The following EPC2 variants were observed in gnomAD, a reference collection of about 807,000 sequenced individuals.
EPC2 encodes the protein enhancer of polycomb 2, also known as enhancer of polycomb homolog 2.
In EPC2, 14 loss-of-function variants were observed where a neutral mutation model predicts 92.1. The ratio of observed to expected loss-of-function variants is 0.15; its 90% CI spans 0.10 to 0.24. EPC2 has a LOEUF of 0.24. EPC2 is among the 10% of genes least tolerant of loss of function. EPC2 has a pLI of 1.00. For synonymous variants in EPC2, 340 were observed against 334.7 expected, an observed-to-expected ratio of 1.02 and a Z score of -0.17; for missense variants, 755 against 971.5, an observed-to-expected ratio of 0.78 and a Z score of 2.96.
At chr2:148,785,537 G>A (rs1361588336) in intron 13 of EPC2, among the ~76,000 whole-genome samples, 2 of 151,960 alleles carry the variant, frequency 1.3e-5, no homozygotes, top group East Asian at 1.9e-4. Context: ...CATGTTGGCC[G>A]GGATAGTCTC....
intron 2 of EPC2, among the ~76,000 whole-genome samples, chr2:148,742,916 T>C (rs1682906021): frequency 1.3e-5 from 2 of 152,178 alleles, no homozygotes; most frequent in African/African-American, 4.8e-5. Context: ...AATCAGCCTT[T>C]TATTTATATA....
intron 1 of EPC2, among the ~76,000 whole-genome samples, chr2:148,658,607 G>GTGTATATATATATATA (rs1168257662): frequency 5.0e-5 from 7 of 141,262 alleles, no homozygotes; most frequent in East Asian, 2.2e-4. Flanking sequence ...GTGTGTGTGT[G>GTGTATATATATATATA]TATATATATA....
chr2:148,786,035 A>C (rs1167869458), intron 13 of EPC2, among the ~76,000 whole-genome samples: 1 of 152,160 alleles, frequency 6.6e-6, no homozygotes, highest in African/African-American at 2.4e-5. Context: ...TTTCATAAGT[A>C]ATTTCTCATT....
chr2:148,654,844 A>G (rs1252827044), intron 1 of EPC2, among the ~76,000 whole-genome samples: 2 of 152,212 alleles, frequency 1.3e-5, no homozygotes, highest in African/African-American at 2.4e-5. Context: ...TAGAGTAATA[A>G]TTGGGCCCTG....
intron 1 of EPC2, among the ~76,000 whole-genome samples, chr2:148,659,261 A>G (rs1441628788): frequency 1.3e-5 from 2 of 152,102 alleles, no homozygotes; most frequent in African/African-American, 2.4e-5. Context: ...GCAGTTTCAT[A>G]TGGATGTTTA....
intron 1 of EPC2, among the ~76,000 whole-genome samples, chr2:148,667,717 T>C (rs765601923): frequency 6.6e-6 from 1 of 152,224 alleles, no homozygotes; most frequent in Non-Finnish European, 1.5e-5. Flanking sequence ...ATGGCCATCC[T>C]GAGAAAAATA....
At chr2:148,681,529 A>C (rs992391581) in intron 1 of EPC2, among the ~76,000 whole-genome samples, 8 of 152,240 alleles carry the variant, frequency 5.3e-5, no homozygotes, top group African/African-American at 1.9e-4. Context: ...TCTTAAAAAC[A>C]GTTTTGACTG....
intron 1 of EPC2, among the ~76,000 whole-genome samples, chr2:148,665,504 C>T (rs964665254): frequency 1.3e-5 from 2 of 152,000 alleles, no homozygotes; most frequent in African/African-American, 4.8e-5. Context: ...ACAAGGTTTT[C>T]GAAAACCCAA....
intron 7 of EPC2, among the ~76,000 whole-genome samples, chr2:148,766,337 G>C (rs1306066970): frequency 1.3e-5 from 2 of 152,124 alleles, no homozygotes; most frequent in African/African-American, 4.8e-5. Flanking sequence ...CATTTGGCTG[G>C]ATTATATTAT....
At chr2:148,711,253 A>C (rs1682137447) in intron 2 of EPC2, among the ~76,000 whole-genome samples, 1 of 152,068 alleles carries the variant, frequency 6.6e-6, no homozygotes, top group African/African-American at 2.4e-5. Context: ...TCTGTCCCAC[A>C]AATTTTGGTG....
intron 1 of EPC2, among the ~76,000 whole-genome samples, chr2:148,665,864 A>G (rs1433496957): frequency 6.6e-6 from 1 of 152,194 alleles, no homozygotes; most frequent in Non-Finnish European, 1.5e-5. Flanking sequence ...AAAATTCTAA[A>G]AGGAATTTAT....
Position 148,644,963 on chromosome 2 carries a change from C to A in EPC2, c.-55C>A, listed in dbSNP as rs567094709. The A allele has an allele frequency of 1.7e-5, 25 of 1,483,348 alleles. No individual in the cohort carries two copies. The African/African-American group carries it at 2.9e-4, about 17-fold the overall frequency. 91.9% of individuals were successfully genotyped at this position (1,483,348 alleles called of 1,614,324 possible). ...AGGAGGCGGCGGGAGTCCTCCCCCC[C>A]TCCCCGCCCGCCCCGCCGCCGCCGC... On this transcript the variant is annotated 5_prime_UTR_variant, in exon 1 of 14. Coordinates refer to ENST00000258484, the MANE Select transcript of EPC2 (RefSeq NM_015630.4).
intron 7 of EPC2, among the ~76,000 whole-genome samples, chr2:148,765,941 CAGG>C (rs1394822745): frequency 1.3e-5 from 2 of 152,162 alleles, no homozygotes; most frequent in African/African-American, 4.8e-5. Flanking sequence ...GAGGCTGATC[CAGG>C]AGAATGGCGT....
chr2:148,771,263 A>C lies in EPC2; in HGVS notation c.1596A>C (p.Leu532=). Residue 532 remains leucine, a synonymous_variant, in exon 10 of 14, where the codon CTA becomes CTC. Transcript: ENST00000258484. ...GACTACAGTGTTTCCAGCCAAGGCT[A>C]CTAAATTTACAGGACAGTGATAGTG... The part of the protein sequence containing the change: ...SCRLQCFQPR[L]LNLQDSDSEE... 2 of 1,614,028 alleles carry C rather than the reference A, an allele frequency of 1.2e-6. No homozygotes were observed. Among genetic ancestry groups the C allele is most frequent in the Non-Finnish European group, 1.7e-6 (2 of 1,179,880 alleles).
chr2:148,779,183 C>T (rs1416439607), intron 10 of EPC2, among the ~76,000 whole-genome samples: 5 of 152,106 alleles, frequency 3.3e-5, no homozygotes, highest in Non-Finnish European at 7.4e-5. Flanking sequence ...TTAATATGTA[C>T]ACAAATGATC....
chr2:148,691,098 TCTTA>T (rs754120425), intron 2 of EPC2, among the ~76,000 whole-genome samples: 2 of 152,190 alleles, frequency 1.3e-5, no homozygotes, highest in Admixed American at 6.5e-5. Context: ...TCCTTAATAC[TCTTA>T]CTTTTCTCCC....
intron 3 of EPC2, among the ~76,000 whole-genome samples, 193 bp downstream of exon 3, chr2:148,743,960 TCTGA>T (rs1448853229): frequency 6.6e-6 from 1 of 152,154 alleles, no homozygotes; most frequent in Non-Finnish European, 1.5e-5. Context: ...AGAGTACTGT[TCTGA>T]CTGTTTTCCT....
At chr2:148,662,431 C>T (rs182003662) in intron 1 of EPC2, among the ~76,000 whole-genome samples, 14 of 152,148 alleles carry the variant, frequency 9.2e-5, no homozygotes, top group South Asian at 4.2e-4. Flanking sequence ...CGTCCAACAA[C>T]GATAGACTGG....
At chr2:148,734,054 A>G (rs1007742253) in intron 2 of EPC2, among the ~76,000 whole-genome samples, 1 of 152,196 alleles carries the variant, frequency 6.6e-6, no homozygotes, top group Non-Finnish European at 1.5e-5. Flanking sequence ...CTTGTCTTTT[A>G]CTTAGCAAGT....
Sources: gnomAD v4.1 joint callset for allele counts (sites outside exome capture counted in the v4.1 genomes callset) on GRCh38, gnomAD v4.1.1 for gene constraint, MANE v1.5 for transcripts, NCBI Gene and HGNC (gene_info 2026-07-23, HGNC 2026-07-21) for gene names.